Variants in COL27A1 observed in about 807,000 individuals in gnomAD.
COL27A1 encodes collagen type XXVII alpha 1 chain.
Under a neutral mutation model 251.3 loss-of-function variants are expected in COL27A1, and 106 were observed. The observed-to-expected ratio is 0.42, with a 90% CI of 0.36 to 0.50. The LOEUF (loss-of-function observed/expected upper bound fraction) is 0.50. COL27A1 is among the 20% of genes least tolerant of loss of function. COL27A1 has a pLI of 0.00. For synonymous variants in COL27A1, 1,000 were observed against 986.3 expected, an observed-to-expected ratio of 1.01 and a Z score of -0.26; for missense variants, 2,325 against 2,522.8, an observed-to-expected ratio of 0.92 and a Z score of 1.68.
intron 27 of COL27A1, among the ~76,000 whole-genome samples, chr9:114,256,432 G>A (rs1833925610): frequency 6.6e-6 from 1 of 152,312 alleles, no homozygotes; most frequent in East Asian, 1.9e-4. Context: ...GGCGGAGCTT[G>A]CAGTGAGCCA....
At chr9:114,302,723 A>C (rs1040426632) in intron 56 of COL27A1, among the ~76,000 whole-genome samples, 18 of 95,606 alleles carry the variant, frequency 1.9e-4, no homozygotes, top group African/African-American at 6.7e-4. Context: ...GAAACAAAAA[A>C]AACAAAAAAA....
chr9:114,225,838 A>G (rs1831433679), intron 14 of COL27A1, among the ~76,000 whole-genome samples: 1 of 152,150 alleles, frequency 6.6e-6, no homozygotes, highest in African/African-American at 2.4e-5. Flanking sequence ...GAAGGGCGTG[A>G]GAGGACAAAC....
intron 1 of COL27A1, among the ~76,000 whole-genome samples, chr9:114,160,438 A>G (rs1387373697): frequency 3.3e-5 from 5 of 152,098 alleles, no homozygotes; most frequent in Non-Finnish European, 4.4e-5. Context: ...TACAGGTGTG[A>G]GCCACCGTGC....
chr9:114,229,918 A>T (rs1319573898), intron 14 of COL27A1, among the ~76,000 whole-genome samples: 1 of 152,182 alleles, frequency 6.6e-6, no homozygotes, highest in African/African-American at 2.4e-5. Context: ...TGTGCACTGC[A>T]GCATGCTCAG....
intron 44 of COL27A1, 33 bp downstream of exon 44, chr9:114,289,000 C>G: frequency 6.2e-7 from 1 of 1,612,068 alleles, no homozygotes; most frequent in Non-Finnish European, 8.5e-7. Flanking sequence ...TCCCTGCCTC[C>G]CACCCTGAGT....
chr9:114,205,357 G>T (rs370487883), intron 8 of COL27A1, among the ~76,000 whole-genome samples: 1 of 152,230 alleles, frequency 6.6e-6, no homozygotes, highest in Non-Finnish European at 1.5e-5. Flanking sequence ...GTCCATGCCA[G>T]CCTGATGTTG....
rs934805774 is a variant in COL27A1 at position 114,172,686 on chromosome 9, T to C, written c.1908+3223T>C. Among the ~76,000 whole-genome samples the C allele has an allele frequency of 4.6e-5, 7 of 152,074 alleles. No individual in the cohort carries two copies. The South Asian group carries it at 6.2e-4, about 14-fold the overall frequency. ...GTGTGCGCCTGTAATCCCAGTTACT[T>C]GGGAGGCCGAGGTAGGAGAATCCCT... On this transcript the variant is annotated intron_variant, in intron 3 of 60. Coordinates refer to ENST00000356083, the MANE Select transcript of COL27A1 (RefSeq NM_032888.4).
intron 5 of COL27A1, among the ~76,000 whole-genome samples, chr9:114,190,601 C>T (rs1326813032): frequency 2.0e-5 from 3 of 152,176 alleles, no homozygotes; most frequent in African/African-American, 4.8e-5. Flanking sequence ...TTATTCCTCC[C>T]TTGTCTCACC....
At chr9:114,166,444 T>TATCCGTCCATCCATCCGTCC (rs1554786444) in intron 2 of COL27A1, among the ~76,000 whole-genome samples, 1 of 140,858 alleles carries the variant, frequency 7.1e-6, no homozygotes, top group Non-Finnish European at 1.5e-5. Context: ...TCCATTCATC[T>TATCCGTCCATCCATCCGTCC]ATCCATCCAT....
rs770789810 is a variant in COL27A1, at chr9:114,266,528, C to T, written c.3394-37C>T. ...AGATCCCAAAGAGGGCCCAGGCTGA[C>T]CTCTCCCAACTGTCTGTGTGTCTGT... On this transcript the variant is annotated intron_variant, in intron 32 of 60. Coordinates refer to ENST00000356083, the MANE Select transcript of COL27A1 (RefSeq NM_032888.4). The T allele has an allele frequency of 4.4e-6, 7 of 1,598,134 alleles. No homozygotes were observed. The South Asian group carries it at 7.7e-5, about 18-fold the overall frequency.
chr9:114,230,207 A>T (rs181684855), intron 14 of COL27A1, among the ~76,000 whole-genome samples: 2,457 of 152,118 alleles, frequency 0.016, 47 homozygotes, highest in African/African-American at 0.053. Context: ...GAAAAATCAC[A>T]TTCCTGCCTG....
At position 114,309,208 on chromosome 9, in the gene COL27A1, T is replaced by TG. The variant is rs1033950650; in HGVS notation, c.5218-46dup. Reference sequence around the variant, plus strand: ...ATAGAGAGGCAGGGAACCCTCGGTGTGGGGGGTGTGGGGGGCAGCCTGAGC... The same window carrying TG: ...ATAGAGAGGCAGGGAACCCTCGGTGTGGGGGGGTGTGGGGGGCAGCCTGAGC... On this transcript the variant is annotated intron_variant, in intron 59 of 60. Coordinates refer to ENST00000356083, the MANE Select transcript of COL27A1 (RefSeq NM_032888.4). 2.8e-5 allele frequency: 40 copies of TG among 1,450,812 alleles called. No homozygotes were observed. The Middle Eastern group carries it at 6.9e-4, about 25-fold the overall frequency. 89.9% of individuals were successfully genotyped at this position (1,450,812 alleles called of 1,614,324 possible). A position where few individuals can be genotyped will look rare whatever the true frequency, so the allele number is the denominator to read the frequency against.
intron 12 of COL27A1, among the ~76,000 whole-genome samples, chr9:114,211,288 G>A (rs1435646196): frequency 6.6e-6 from 1 of 152,224 alleles, no homozygotes; most frequent in Admixed American, 6.5e-5. Flanking sequence ...TGGCTCTCCA[G>A]TGCAGTTCTG....
rs549733098 is a variant in COL27A1 at position 114,283,508 on chromosome 9, G to T, written c.3880-201G>T. 1.2e-3 allele frequency among the ~76,000 whole-genome samples: 181 copies of T among 152,286 alleles called. 2 individuals carry two copies. The highest frequency in any genetic ancestry group is 4.0e-3 in the African/African-American group (168 of 41,542). ...TCTCGAACCCCTGGAGCCAGGAGAA[G>T]GAGGGCTGGGGCAGGGGTGGGGAAC... On this transcript the variant is annotated intron_variant, in intron 39 of 60. Transcript: ENST00000356083.
intron 28 of COL27A1, among the ~76,000 whole-genome samples, chr9:114,263,792 C>T (rs946789640): frequency 4.6e-5 from 7 of 152,146 alleles, no homozygotes; most frequent in African/African-American, 1.4e-4. Context: ...AAAATCCTGC[C>T]CTGTTCCTGC....
chr9:114,228,833 T>G (rs999133857), intron 14 of COL27A1, among the ~76,000 whole-genome samples: 1 of 152,172 alleles, frequency 6.6e-6, no homozygotes. Flanking sequence ...TCTCTCTTTT[T>G]TTTTCAAAGA....
chr9:114,214,116 C>T (rs1350599661), intron 12 of COL27A1, among the ~76,000 whole-genome samples: 1 of 152,172 alleles, frequency 6.6e-6, no homozygotes, highest in Non-Finnish European at 1.5e-5. Context: ...GTCTCTGTCT[C>T]CGCTGGGCCT....
intron 49 of COL27A1, among the ~76,000 whole-genome samples, chr9:114,294,450 T>A (rs893083330): frequency 6.6e-6 from 1 of 152,148 alleles, no homozygotes; most frequent in African/African-American, 2.4e-5. Context: ...CAATAAAATT[T>A]TAGTTAGAGG....
At chr9:114,230,998 C>T in intron 14 of COL27A1, 81 bp from the exon 15 acceptor site, 1 of 1,227,006 alleles carries the variant, frequency 8.1e-7, no homozygotes, top group Non-Finnish European at 1.2e-6. Context: ...GCCCAGGGAC[C>T]TTGGGGATTG....
Sources: allele counts gnomAD v4.1 joint callset (sites outside exome capture counted in the v4.1 genomes callset), GRCh38; gene constraint gnomAD v4.1.1; transcripts MANE v1.5; gene names NCBI Gene and HGNC (gene_info 2026-07-23, HGNC 2026-07-21).